NUS1: variants seen among roughly 807,000 people sequenced by gnomAD.
The protein encoded by NUS1 is NUS1 dehydrodolichyl diphosphate synthase subunit, also known as dehydrodolichyl diphosphate synthase complex subunit NUS1.
For missense variants in NUS1, 292 were observed against 382.9 expected (o/e 0.76, Z 1.98); for synonymous variants, 135 against 155.2 (o/e 0.87, Z 0.97).
intron 1 of NUS1, among the ~76,000 whole-genome samples, chr6:117,687,430 A>G (rs1406184243): frequency 6.6e-6 from 1 of 152,222 alleles, no homozygotes; most frequent in Non-Finnish European, 1.5e-5. Flanking sequence ...AGCTATAATA[A>G]AAAGTAGAAT....
chr6:117,676,150 C>T (rs1354079151), intron 1 of NUS1, 65 bp downstream of exon 1: 2 of 1,546,148 alleles, frequency 1.3e-6, no homozygotes, highest in South Asian at 1.2e-5. Flanking sequence ...GCTGGTCTGG[C>T]GGGTGGTGCC....
chr6:117,703,704 T>C lies in NUS1; in HGVS notation c.791T>C (p.Val264Ala). 3 of 1,604,372 alleles carry C rather than the reference T, an allele frequency of 1.9e-6. No individual in the cohort carries two copies. Among genetic ancestry groups the C allele is most frequent in the Non-Finnish European group, 2.6e-6 (3 of 1,171,150 alleles). ...LPWHIRLTEI[V>A]SLPSHLNISY... ...TGGCACATCAGATTGACTGAGATTG[T>C]GTAAGTAATTAAAAGCGTACTGACT... is the stretch of plus-strand genomic sequence containing the variant. The change falls in exon 4 of 5, where the codon GTC (valine) becomes GCC (alanine). Residue 264 changes from valine (V) to alanine (A), a missense_variant and splice_region_variant. By Grantham distance (64) the Val-to-Ala change is moderately conservative. Coordinates refer to ENST00000368494, the MANE Select transcript of NUS1 (RefSeq NM_138459.5).
rs754507170 is a variant in NUS1 at position 117,693,036 on chromosome 6, T to C, written c.416-6T>C. 16 of 1,599,672 alleles carry C rather than the reference T, an allele frequency of 1.0e-5. No individual in the cohort carries two copies. Among genetic ancestry groups the C allele is most frequent in the Admixed American group, 5.1e-5 (3 of 59,398 alleles). On this transcript the variant is annotated splice_polypyrimidine_tract_variant and splice_region_variant and intron_variant, in intron 1 of 4. Transcript: ENST00000368494. ...TGTGTTTTACTTGCCTTTTTCTTTT[T>C]TAAAGGTATTTTCAAAAGAAATAAT...
intron 1 of NUS1, among the ~76,000 whole-genome samples, chr6:117,678,024 C>G (rs1489916369): frequency 1.3e-5 from 2 of 152,170 alleles, no homozygotes; most frequent in African/African-American, 2.4e-5. Context: ...CTAGTACAGA[C>G]TATAATGTTG....
intron 4 of NUS1, among the ~76,000 whole-genome samples, chr6:117,706,500 T>C (rs1773503182): frequency 6.6e-6 from 1 of 152,222 alleles, no homozygotes; most frequent in African/African-American, 2.4e-5. Context: ...CTAGTTGCTT[T>C]TCTTGTGGAA....
intron 1 of NUS1, among the ~76,000 whole-genome samples, chr6:117,689,608 G>T (rs1192472019): frequency 6.6e-6 from 1 of 151,560 alleles, no homozygotes; most frequent in Non-Finnish European, 1.5e-5. Flanking sequence ...TGTTGCTCAA[G>T]TGGAGTGTAG....
At chr6:117,687,523 G>A (rs1238997354) in intron 1 of NUS1, among the ~76,000 whole-genome samples, 1 of 152,170 alleles carries the variant, frequency 6.6e-6, no homozygotes, top group Non-Finnish European at 1.5e-5. Flanking sequence ...GGGCACATCT[G>A]GCTGGGGAAT....
chr6:117,675,838 C>T lies in NUS1; in HGVS notation c.168C>T (p.Leu56=). 1.9e-6 allele frequency: 3 copies of T among 1,542,536 alleles called. No individual in the cohort carries two copies. Among genetic ancestry groups the T allele is most frequent in the South Asian group, 1.2e-5 (1 of 83,606 alleles). ...AAVLAPLGFT[L]RKPPAVGRNR... ...TCCTAGCGCCGCTCGGCTTCACGCT[C>T]CGCAAGCCCCCGGCAGTCGGCAGGA... The change falls in exon 1 of 5, where the codon CTC becomes CTT. Residue 56 remains leucine, a synonymous_variant. Coordinates refer to ENST00000368494, the MANE Select transcript of NUS1 (RefSeq NM_138459.5).
rs1238292973 is a variant in NUS1, at chr6:117,675,535, C to T, written c.-136C>T. On this transcript the variant is annotated 5_prime_UTR_variant, in exon 1 of 5. Coordinates refer to ENST00000368494, the MANE Select transcript of NUS1 (RefSeq NM_138459.5). The stretch of plus-strand genomic sequence containing the variant: ...CGGCGGGGGCGAGGTGAGGTGTTGG[C>T]AGTGGAAAGGGGTTCGGGCTCGGGG... 7 of 824,220 alleles carry T rather than the reference C, an allele frequency of 8.5e-6. No individual in the cohort carries two copies. The highest frequency in any genetic ancestry group is 6.7e-5 in the South Asian group (4 of 59,458). 51.1% of individuals were successfully genotyped at this position (824,220 alleles called of 1,614,324 possible).
chr6:117,690,500 G>A (rs1773199993), intron 1 of NUS1, among the ~76,000 whole-genome samples: 1 of 152,168 alleles, frequency 6.6e-6, no homozygotes, highest in Admixed American at 6.5e-5. Context: ...GCCAGGCACT[G>A]TGGTTGGCCC....
intron 3 of NUS1, among the ~76,000 whole-genome samples, chr6:117,699,616 A>T (rs2114691307): frequency 6.6e-6 from 1 of 152,310 alleles, no homozygotes; most frequent in Non-Finnish European, 1.5e-5. Context: ...CTATCAAAAT[A>T]TCAGTGACAT....
intron 3 of NUS1, among the ~76,000 whole-genome samples, chr6:117,695,216 AAAAAAG>A (rs1562179929): frequency 6.6e-6 from 1 of 151,478 alleles, no homozygotes; most frequent in African/African-American, 2.4e-5. Context: ...AAAAAAAAAA[AAAAAAG>A]AAAAAGAAAT....
At chr6:117,696,004 T>G (rs1199438939) in intron 3 of NUS1, among the ~76,000 whole-genome samples, 1 of 152,072 alleles carries the variant, frequency 6.6e-6, no homozygotes, top group Non-Finnish European at 1.5e-5. Context: ...TATGACTGTT[T>G]GTGTACAAGT....
rs2114698287 is a variant in NUS1, at chr6:117,710,258, A to G, written c.*3243A>G. 1 of 152,240 alleles carries G rather than the reference A, an allele frequency of 6.6e-6. No homozygotes were observed. Among genetic ancestry groups the G allele is most frequent in the East Asian group, 1.9e-4 (1 of 5,186 alleles). The allele number at this position is 152,240 out of a possible 1,614,324, so 9.4% of individuals were successfully genotyped here. On this transcript the variant is annotated 3_prime_UTR_variant, in exon 5 of 5. Transcript: ENST00000368494. ...ATAAGACAATTGTTTTTTTGTGCAT[A>G]GTTTTCATCTAAAATTAAGTTTACC...
intron 1 of NUS1, among the ~76,000 whole-genome samples, chr6:117,686,068 T>C (rs973235007): frequency 1.3e-5 from 2 of 151,816 alleles, no homozygotes; most frequent in African/African-American, 4.8e-5. Flanking sequence ...GAGACCATCC[T>C]GGCTAACACG....
At chr6:117,683,171 T>C (rs993731448) in intron 1 of NUS1, among the ~76,000 whole-genome samples, 2 of 152,204 alleles carry the variant, frequency 1.3e-5, no homozygotes, top group African/African-American at 4.8e-5. Context: ...TCATTTTACA[T>C]ATCTCTTGTG....
intron 1 of NUS1, among the ~76,000 whole-genome samples, chr6:117,679,074 A>T (rs1403726606): frequency 6.6e-6 from 1 of 152,246 alleles, no homozygotes; most frequent in African/African-American, 2.4e-5. Context: ...CGTAAATGCC[A>T]CTGGGATACA....
chr6:117,683,966 G>A (rs905418804), intron 1 of NUS1, among the ~76,000 whole-genome samples: 7 of 152,216 alleles, frequency 4.6e-5, no homozygotes, highest in Non-Finnish European at 8.8e-5. Flanking sequence ...ACTGAATACA[G>A]TATGTAACCT....
chr6:117,691,652 TTTATA>T (rs1490097638), intron 1 of NUS1, among the ~76,000 whole-genome samples: 2 of 147,512 alleles, frequency 1.4e-5, no homozygotes, highest in Non-Finnish European at 3.0e-5. Context: ...ATTTAATATA[TTTATA>T]TTATATATAT....
Sources: allele counts gnomAD v4.1 joint callset (sites outside exome capture counted in the v4.1 genomes callset), GRCh38; gene constraint gnomAD v4.1.1; transcripts MANE v1.5; gene names NCBI Gene and HGNC (gene_info 2026-07-23, HGNC 2026-07-21).